The following HAO2 variants were observed in gnomAD, a reference collection of about 807,000 sequenced individuals.
HAO2 encodes the protein hydroxyacid oxidase 2.
A neutral mutation model predicts 37.4 loss-of-function variants in HAO2; 42 were observed. The observed-to-expected ratio is 1.12, with a 90% CI of 0.88 to 1.45. The LOEUF (loss-of-function observed/expected upper bound fraction) is 1.45, where lower values mean the gene tolerates loss of function less well. Among genes scored for constraint, HAO2 ranks in the 40% most tolerant of loss-of-function variants. HAO2 has a pLI of 0.00. For missense variants in HAO2, 476 were observed against 430.2 expected, an observed-to-expected ratio of 1.11 and a Z score of -0.94; for synonymous variants, 180 against 162.8, an observed-to-expected ratio of 1.11 and a Z score of -0.81.
At chr1:119,375,352 G>T (rs866430347) in intron 1 of HAO2, among the ~76,000 whole-genome samples, 1 of 151,842 alleles carries the variant, frequency 6.6e-6, no homozygotes, top group Non-Finnish European at 1.5e-5. Context: ...GAACAAGGAA[G>T]GTATCCTTTT....
intron 4 of HAO2, chr1:119,385,619 A>C (rs1256382545): frequency 7.1e-6 from 7 of 985,054 alleles, no homozygotes; most frequent in Non-Finnish European, 8.4e-6. Flanking sequence ...TCTCTGAACT[A>C]GGTGACTACA....
In HAO2 at chr1:119,384,865, C is replaced by T. The variant is rs201759473; in HGVS notation, c.373C>T (p.Arg125Ter). Residue 125 changes from arginine to a stop codon, truncating the protein, a stop_gained, in exon 4 of 8, where the codon CGA becomes TGA. Transcript: ENST00000325945. LOFTEE classifies it high-confidence loss of function. Reference protein sequence around the residue: ...DIVIAAPEGLRWFQLYVHPDL... With the variant: ...DIVIAAPEGL ...TGTCATTGCAGCTCCCGAAGGCCTC[C>T]GATGGTTCCAACTCTATGTGCATCC... The T allele has an allele frequency of 1.1e-4, 179 of 1,613,770 alleles. 3 individuals are homozygous for T. The highest frequency in any genetic ancestry group is 9.8e-4 in the South Asian group (89 of 91,068).
chr1:119,385,006 C>A lies in HAO2; in HGVS notation c.514C>A (p.Gln172Lys), dbSNP rs750423937. 2.5e-6 allele frequency: 4 copies of A among 1,613,866 alleles called. No individual in the cohort carries two copies. Among genetic ancestry groups the A allele is most frequent in the Admixed American group, 1.7e-5 (1 of 60,006 alleles). ...CGNRRHDIRN[Q>K]LRRNLTLTDL... Reference sequence around the variant, plus strand: ...CAACAGGCGACATGACATTCGAAACCAGTTGAGGAGGAACTTAACACTAAC... The same window carrying A: ...CAACAGGCGACATGACATTCGAAACAAGTTGAGGAGGAACTTAACACTAAC... Residue 172 changes from glutamine (Q) to lysine (K), a missense_variant, in exon 4 of 8, where the codon CAG becomes AAG. Gln to Lys is a moderately conservative substitution (Grantham distance 53, BLOSUM62 1). Transcript: ENST00000325945.
At chr1:119,380,501 C>T in intron 1 of HAO2, 1 of 528,484 alleles carries the variant, frequency 1.9e-6, no homozygotes. Context: ...CTGTAATCCA[C>T]AGCTCCAGAC....
rs774394886 is a variant in HAO2 at position 119,386,707 on chromosome 1, G to A, written c.647G>A (p.Arg216Gln). The stretch of plus-strand genomic sequence containing the variant: ...CTCTCCTGGTTTCAGAGCATAACTC[G>A]ATTGCCCATCATCCTGAAAGGGATT... ...NDLSWFQSIT[R>Q]LPIILKGILT... Residue 216 changes from arginine to glutamine, a missense_variant, in exon 5 of 8, where the codon CGA becomes CAA. Coordinates refer to ENST00000325945, the MANE Select transcript of HAO2 (RefSeq NM_016527.4). 9 of 1,612,940 alleles carry A rather than the reference G, an allele frequency of 5.6e-6. No homozygotes were observed. The highest frequency in any genetic ancestry group is 4.0e-5 in the African/African-American group (3 of 74,994).
At chr1:119,377,411 A>C (rs1306486421) in intron 1 of HAO2, among the ~76,000 whole-genome samples, 2 of 152,194 alleles carry the variant, frequency 1.3e-5, no homozygotes, top group Non-Finnish European at 1.5e-5. Context: ...AATTTTAGTC[A>C]AAGCCATTCA....
intron 1 of HAO2, chr1:119,380,557 G>T: frequency 1.5e-6 from 1 of 652,878 alleles, no homozygotes; most frequent in East Asian, 2.7e-5. Flanking sequence ...AGTAGCATCA[G>T]TTCACCAAGA....
intron 1 of HAO2, among the ~76,000 whole-genome samples, chr1:119,370,728 G>T (rs963966040): frequency 4.6e-5 from 7 of 152,144 alleles, no homozygotes; most frequent in Non-Finnish European, 1.0e-4. Context: ...CAGTTGATCG[G>T]TGGAAAGCAA....
At chr1:119,381,365 T>C (rs989138325) in intron 2 of HAO2, 149 bp downstream of exon 2, 3 of 680,560 alleles carry the variant, frequency 4.4e-6, no homozygotes, top group Non-Finnish European at 5.2e-6. Flanking sequence ...TTTTGGTTTG[T>C]TAGGGCAGGG....
intron 7 of HAO2, 33 bp from the exon 8 acceptor site, chr1:119,393,752 A>G: frequency 6.2e-7 from 1 of 1,608,168 alleles, no homozygotes; most frequent in Non-Finnish European, 8.5e-7. Flanking sequence ...TGTGTTTGAC[A>G]AAAATGAGCT....
At chr1:119,371,687 T>C (rs1199461760) in intron 1 of HAO2, among the ~76,000 whole-genome samples, 3 of 152,150 alleles carry the variant, frequency 2.0e-5, no homozygotes, top group Admixed American at 6.6e-5. Context: ...ACCCGTGAAA[T>C]GGGGATGATA....
chr1:119,385,249 A>G (rs983722344), intron 4 of HAO2, 196 bp downstream of exon 4: 1 of 984,992 alleles, frequency 1.0e-6, no homozygotes, highest in Middle Eastern at 5.2e-4. Context: ...CACAATCAAC[A>G]TAAGACCAAA....
rs146770682 is a variant in HAO2 at position 119,380,625 on chromosome 1, G to A, written c.-8-453G>A. The A allele has an allele frequency of 2.8e-4, 309 of 1,115,994 alleles. 1 individual carries two copies. In the African/African-American group the frequency reaches 3.9e-3, roughly 14 times the overall value. The allele number at this position is 1,115,994 out of a possible 1,614,324, so 69.1% of individuals were successfully genotyped here. On this transcript the variant is annotated intron_variant, in intron 1 of 7. Coordinates refer to ENST00000325945, the MANE Select transcript of HAO2 (RefSeq NM_016527.4). ...CCTAGAAAGCTGGGAATGCCATGACGTGGGCACATTGAAAGACAAGAGGCA... is the reference window on the plus strand; with the variant it reads ...CCTAGAAAGCTGGGAATGCCATGACATGGGCACATTGAAAGACAAGAGGCA...
At chr1:119,374,915 T>C (rs587747823) in intron 1 of HAO2, among the ~76,000 whole-genome samples, 29 of 152,342 alleles carry the variant, frequency 1.9e-4, no homozygotes, top group Admixed American at 5.2e-4. Flanking sequence ...CTTCAGATTG[T>C]TAGCAACAGG....
rs1319616137 is a variant in HAO2, at chr1:119,386,843, T to C, written c.771+12T>C. On this transcript the variant is annotated intron_variant, in intron 5 of 7. Coordinates refer to ENST00000325945, the MANE Select transcript of HAO2 (RefSeq NM_016527.4). ...AGGTTCTTGCTTCAGTAAGTAGGATTACTTCAGAGAAGGGTGTGTTTGTGA... is the reference window on the plus strand; with the variant it reads ...AGGTTCTTGCTTCAGTAAGTAGGATCACTTCAGAGAAGGGTGTGTTTGTGA... 2.6e-6 allele frequency: 4 copies of C among 1,547,892 alleles called. No homozygotes were observed. The highest frequency in any genetic ancestry group is 1.4e-5 in the African/African-American group (1 of 73,756).
intron 1 of HAO2, 90 bp from the exon 2 acceptor site, chr1:119,380,988 A>AATTTCAT: frequency 8.8e-7 from 1 of 1,133,576 alleles, no homozygotes; most frequent in South Asian, 1.4e-5. Flanking sequence ...GAATCCAAAC[A>AATTTCAT]ATTTCATACT....
At chr1:119,369,471 G>A (rs141728486) in intron 1 of HAO2, among the ~76,000 whole-genome samples, 4 of 152,268 alleles carry the variant, frequency 2.6e-5, no homozygotes, top group East Asian at 3.9e-4. Flanking sequence ...TGCCAAGAAC[G>A]CTAATGAAGA....
chr1:119,373,281 C>T (rs898109189), intron 1 of HAO2, among the ~76,000 whole-genome samples: 15 of 152,104 alleles, frequency 9.9e-5, no homozygotes, highest in Non-Finnish European at 2.1e-4. Flanking sequence ...AGTTGAGTCT[C>T]TAGAAATCTT....
chr1:119,383,191 C>A (rs587674817), intron 3 of HAO2, 125 bp downstream of exon 3: 143 of 610,016 alleles, frequency 2.3e-4, no homozygotes, highest in African/African-American at 2.0e-3. Context: ...CTAAGGAAGG[C>A]AGGAAAGGGA....
Sources: allele counts gnomAD v4.1 joint callset (sites outside exome capture counted in the v4.1 genomes callset), GRCh38; gene constraint gnomAD v4.1.1; transcripts MANE v1.5; gene names NCBI Gene and HGNC (gene_info 2026-07-23, HGNC 2026-07-21).